Variants in GLG1 observed in about 807,000 individuals in gnomAD.
GLG1 encodes golgi glycoprotein 1.
In GLG1, 38 loss-of-function variants were observed where a neutral mutation model predicts 160.5. That is an observed-to-expected ratio of 0.24 (90% confidence interval 0.18 to 0.31). The LOEUF (loss-of-function observed/expected upper bound fraction) is 0.31, where lower values mean the gene tolerates loss of function less well. Among genes scored for constraint, GLG1 ranks in the 10% least tolerant of loss-of-function variants. GLG1 has a pLI of 1.00. For synonymous variants in GLG1, 644 were observed against 543.4 expected, an observed-to-expected ratio of 1.19 and a Z score of -2.57; for missense variants, 1,373 against 1,505.2, an observed-to-expected ratio of 0.91 and a Z score of 1.45.
At position 74,485,814 on chromosome 16, in the gene GLG1, A is replaced by G. The variant is rs1197486853; in HGVS notation, c.1553T>C (p.Ile518Thr). The G allele has an allele frequency of 1.9e-6, 3 of 1,613,068 alleles. No individual in the cohort carries two copies. The highest frequency in any genetic ancestry group is 2.5e-6 in the Non-Finnish European group (3 of 1,179,226). Reference sequence around the variant, plus strand: ...AACTTACATTGGGTCTCCAGATCTTATATGTTTGCAGGCTGTCTGGATTAC... The same window carrying G: ...AACTTACATTGGGTCTCCAGATCTTGTATGTTTGCAGGCTGTCTGGATTAC... ...ESVIQTACKH[I>T]RSGDPMILSC... is the part of the protein sequence containing the mutation. The change falls in exon 9 of 26, where the codon ATA (isoleucine) becomes ACA (threonine). Residue 518 changes from isoleucine to threonine, a missense_variant. Physicochemically the swap from Ile to Thr is moderately conservative, Grantham distance 89. This residue lies in a region of GLG1 where 386 missense variants were observed against 388.5 expected (regional missense o/e 0.99). Coordinates refer to ENST00000422840, the MANE Select transcript of GLG1 (RefSeq NM_001145667.2).
At position 74,471,245 on chromosome 16, in the gene GLG1, C is replaced by T. The variant is rs748043155; in HGVS notation, c.2157G>A (p.Glu719=). Residue 719 remains glutamate (E), a synonymous_variant, in exon 15 of 26, where the codon GAG becomes GAA. Transcript: ENST00000422840. The part of the protein sequence containing the change: ...DNQIDSGDLM[E]CLIQNKHQKD... ...TCTGGTGTTTGTTCTGTATCAGACA[C>T]TCCATCAGGTCCCCAGAGTCTATCT... The T allele has an allele frequency of 1.2e-6, 2 of 1,611,654 alleles. No homozygotes were observed. Among genetic ancestry groups the T allele is most frequent in the African/African-American group, 1.3e-5 (1 of 74,994 alleles).
chr16:74,491,316 A>G, intron 7 of GLG1, 101 bp from the exon 8 acceptor site: 1 of 839,768 alleles, frequency 1.2e-6, no homozygotes, highest in Non-Finnish European at 2.0e-6. Context: ...CTGTAATACA[A>G]TATACCTATC....
At chr16:74,530,576 T>A (rs1374617867) in intron 2 of GLG1, among the ~76,000 whole-genome samples, 1 of 152,112 alleles carries the variant, frequency 6.6e-6, no homozygotes. Flanking sequence ...AGTTTTTTGA[T>A]CTATGGGCTA....
intron 17 of GLG1, 87 bp from the exon 18 acceptor site, chr16:74,467,935 T>C (rs2015058696): frequency 1.2e-6 from 1 of 834,480 alleles, no homozygotes; most frequent in Non-Finnish European, 1.9e-6. Context: ...TGACTGCATC[T>C]TGTCTAGTGA....
intron 1 of GLG1, among the ~76,000 whole-genome samples, chr16:74,593,698 G>T (rs1391369933): frequency 1.3e-5 from 2 of 151,964 alleles, no homozygotes; most frequent in Admixed American, 1.3e-4. Flanking sequence ...GCCTCGCAAA[G>T]TGCTGGGATT....
chr16:74,474,554 C>G lies in GLG1; in HGVS notation c.2044G>C (p.Glu682Gln), dbSNP rs1358612483. 1 of 1,495,734 alleles carries G rather than the reference C, an allele frequency of 6.7e-7. No homozygotes were observed. Among genetic ancestry groups the G allele is most frequent in the Non-Finnish European group, 9.3e-7 (1 of 1,071,972 alleles). 92.7% of individuals were successfully genotyped at this position (1,495,734 alleles called of 1,614,324 possible). Reference protein sequence around the residue: ...RDIVGNLTELESEDIQIEALL... With the variant: ...RDIVGNLTELQSEDIQIEALL... ...AGCTGCATACCACTTACCTCTGATT[C>G]TAACTCAGTGAGGTTGCCAACTATA... The change falls in exon 13 of 26, where the codon GAA becomes CAA. Residue 682 changes from glutamate to glutamine, a missense_variant. Around this residue, in one of 4 missense-constraint regions of GLG1, gnomAD observed 386 missense variants for 388.5 expected, o/e 0.99. Transcript: ENST00000422840.
At chr16:74,506,311 G>C (rs2016600133) in intron 3 of GLG1, among the ~76,000 whole-genome samples, 1 of 151,796 alleles carries the variant, frequency 6.6e-6, no homozygotes, top group East Asian at 1.9e-4. Context: ...AGGAGCGGTG[G>C]CTCACACCTG....
chr16:74,515,510 C>G (rs2016950618), intron 2 of GLG1, among the ~76,000 whole-genome samples: 1 of 152,100 alleles, frequency 6.6e-6, no homozygotes, highest in African/African-American at 2.4e-5. Context: ...AACCGCACAA[C>G]TACATGGAAA....
Position 74,452,807 on chromosome 16 carries a change from AT to A in GLG1, c.*359del, listed in dbSNP as rs1200163104. ...TATATACATTTTTTTCTTTAAAAAA[AT>A]TTTTTTTTTTGGTGGTTTTCTTAAA... On this transcript the variant is annotated 3_prime_UTR_variant, in exon 26 of 26. Coordinates refer to ENST00000422840, the MANE Select transcript of GLG1 (RefSeq NM_001145667.2). 4.8e-3 allele frequency: 3,649 copies of A among 762,684 alleles called. No individual in the cohort carries two copies. The highest frequency in any genetic ancestry group is 6.8e-3 in the East Asian group (62 of 9,074). The allele number at this position is 762,684 out of a possible 1,614,324, so 47.2% of individuals were successfully genotyped here.
chr16:74,501,593 T>C (rs2143446026), intron 4 of GLG1, among the ~76,000 whole-genome samples: 1 of 152,298 alleles, frequency 6.6e-6, no homozygotes, highest in East Asian at 1.9e-4. Context: ...ACCTTGGTGG[T>C]TACCAGGCAA....
At chr16:74,590,093 G>T (rs1958138959) in intron 1 of GLG1, among the ~76,000 whole-genome samples, 1 of 151,436 alleles carries the variant, frequency 6.6e-6, no homozygotes. Context: ...CGCCTCCAGG[G>T]TTCATGCCAT....
At chr16:74,543,586 T>C (rs1293874330) in intron 1 of GLG1, among the ~76,000 whole-genome samples, 1 of 152,184 alleles carries the variant, frequency 6.6e-6, no homozygotes, top group South Asian at 2.1e-4. Flanking sequence ...CTTGCTTAGA[T>C]AACATCATTC....
chr16:74,515,318 T>C (rs2016945116), intron 2 of GLG1, among the ~76,000 whole-genome samples: 1 of 152,184 alleles, frequency 6.6e-6, no homozygotes, highest in South Asian at 2.1e-4. Flanking sequence ...TACAGAACTC[T>C]CCACCCCAAA....
intron 4 of GLG1, among the ~76,000 whole-genome samples, chr16:74,502,148 A>G (rs373895060): frequency 6.6e-6 from 1 of 152,336 alleles, no homozygotes; most frequent in African/African-American, 2.4e-5. Context: ...ATTTTCCATC[A>G]TATTTCCTGA....
Position 74,470,165 on chromosome 16 carries a change from C to G in GLG1, c.2230-92G>C, listed in dbSNP as rs1053252109. The G allele has an allele frequency of 5.3e-5, 41 of 780,894 alleles. No homozygotes were observed. In the African/African-American group the frequency reaches 6.4e-4, roughly 12 times the overall value. 48.4% of individuals were successfully genotyped at this position (780,894 alleles called of 1,614,324 possible). ...ACTTTTTCATATAGCTCTCACAAGCCTGTTTACAAGACCCTGCATGGCTTG... is the reference window on the plus strand; with the variant it reads ...ACTTTTTCATATAGCTCTCACAAGCGTGTTTACAAGACCCTGCATGGCTTG... On this transcript the variant is annotated intron_variant, in intron 15 of 25. Transcript: ENST00000422840.
chr16:74,573,579 GC>G (rs2018898986), intron 1 of GLG1, among the ~76,000 whole-genome samples: 3 of 103,062 alleles, frequency 2.9e-5, no homozygotes, highest in African/African-American at 1.2e-4. Context: ...TATTTATCTT[GC>G]CTTTTTTTTT....
At chr16:74,462,023 A>G (rs979578295) in intron 22 of GLG1, 71 bp downstream of exon 22, 1 of 787,438 alleles carries the variant, frequency 1.3e-6, no homozygotes, top group African/African-American at 1.7e-5. Flanking sequence ...GAGAGAAAGT[A>G]AACAACTTTT....
At chr16:74,494,856 T>G (rs1321490777) in intron 5 of GLG1, 25 bp from the exon 6 acceptor site, 6 of 1,097,300 alleles carry the variant, frequency 5.5e-6, no homozygotes, top group Middle Eastern at 2.0e-4. Context: ...ATACACATTA[T>G]TATTACTTTA....
intron 22 of GLG1, among the ~76,000 whole-genome samples, chr16:74,461,119 T>G (rs2014774227): frequency 6.6e-6 from 1 of 152,092 alleles, no homozygotes; most frequent in African/African-American, 2.4e-5. Flanking sequence ...AGCTAAGAAG[T>G]CCAATAATCT....
Sources: gnomAD v4.1 joint callset for allele counts (sites outside exome capture counted in the v4.1 genomes callset) on GRCh38, gnomAD v4.1.1 for gene constraint, gnomAD v4.1.1 regional missense constraint, MANE v1.5 for transcripts, NCBI Gene and HGNC (gene_info 2026-07-23, HGNC 2026-07-21) for gene names.